SLC24A2: variants seen among roughly 807,000 people sequenced by gnomAD.
SLC24A2 encodes sodium/potassium/calcium exchanger 2.
A neutral mutation model predicts 62.0 loss-of-function variants in SLC24A2; 36 were observed. That is an observed-to-expected ratio of 0.58 (90% CI 0.44 to 0.77). The LOEUF (loss-of-function observed/expected upper bound fraction) is 0.77, where lower values mean the gene tolerates loss of function less well. SLC24A2 is among the 30% of genes least tolerant of loss of function. SLC24A2 has a pLI of 0.00. For synonymous variants in SLC24A2, 358 were observed against 294.0 expected (o/e 1.22, Z -2.23); for missense variants, 846 against 817.9 (o/e 1.03, Z -0.42).
intron 2 of SLC24A2, among the ~76,000 whole-genome samples, chr9:19,701,873 C>T (rs186949560): frequency 1.1e-3 from 161 of 152,272 alleles, no homozygotes; most frequent in African/African-American, 1.9e-3. Flanking sequence ...CTAATTTAAT[C>T]CCACTTTGGC....
At chr9:20,071,680 A>C in the SLC24A2 span, among the ~76,000 whole-genome samples, 1 of 152,212 alleles carries the variant, frequency 6.6e-6, no homozygotes, top group South Asian at 2.1e-4. Flanking sequence ...AGAGGGGAAA[A>C]CTGGGTGGTC....
At chr9:20,170,287 G>A in the SLC24A2 span, among the ~76,000 whole-genome samples, 2 of 151,986 alleles carry the variant, frequency 1.3e-5, no homozygotes, top group Non-Finnish European at 2.9e-5. Flanking sequence ...GGCAAAAGTT[G>A]TCTCAGCAAG....
At chr9:19,544,381 C>G (rs748512106) in intron 8 of SLC24A2, among the ~76,000 whole-genome samples, 3 of 151,638 alleles carry the variant, frequency 2.0e-5, no homozygotes, top group Non-Finnish European at 4.4e-5. Flanking sequence ...TGACGCTTAT[C>G]CAATTTGCCA....
At chr9:20,249,415 G>C in the SLC24A2 span, among the ~76,000 whole-genome samples, 539 of 152,232 alleles carry the variant, frequency 3.5e-3, 3 homozygotes, top group African/African-American at 0.012. Flanking sequence ...AAATGAGATA[G>C]TCCATCTGGG....
chr9:19,918,175 C>A, the SLC24A2 span, among the ~76,000 whole-genome samples: 2 of 140,366 alleles, frequency 1.4e-5, no homozygotes, highest in African/African-American at 2.7e-5. Flanking sequence ...TGTGTGTATA[C>A]ATACACATAT....
chr9:19,913,718 A>C, the SLC24A2 span, among the ~76,000 whole-genome samples: 3 of 152,056 alleles, frequency 2.0e-5, no homozygotes, highest in African/African-American at 7.2e-5. Context: ...TTATGCCAGG[A>C]ACTTTGCTAG....
At chr9:19,824,193 A>G in the SLC24A2 span, among the ~76,000 whole-genome samples, 4 of 152,344 alleles carry the variant, frequency 2.6e-5, no homozygotes, top group African/African-American at 9.6e-5. Context: ...TAAACTAAAG[A>G]GCTTCTGCAG....
the SLC24A2 span, among the ~76,000 whole-genome samples, chr9:19,871,740 G>C: frequency 6.6e-5 from 10 of 152,068 alleles, no homozygotes; most frequent in African/African-American, 2.2e-4. Context: ...ATCTATACTT[G>C]TGTTTTCATA....
At chr9:19,726,238 G>A (rs1326385777) in intron 2 of SLC24A2, among the ~76,000 whole-genome samples, 1 of 152,132 alleles carries the variant, frequency 6.6e-6, no homozygotes, top group Non-Finnish European at 1.5e-5. Context: ...TCTCTCAATA[G>A]GTAGTCTTCT....
At chr9:20,192,617 G>T in the SLC24A2 span, among the ~76,000 whole-genome samples, 3 of 152,126 alleles carry the variant, frequency 2.0e-5, no homozygotes, top group Non-Finnish European at 4.4e-5. Flanking sequence ...TAGTTCAACT[G>T]GGATTAAGAA....
the SLC24A2 span, among the ~76,000 whole-genome samples, chr9:19,843,384 T>G: frequency 6.6e-6 from 1 of 152,168 alleles, no homozygotes; most frequent in African/African-American, 2.4e-5. Flanking sequence ...TGGTGGCGCA[T>G]GCCTGTAACC....
At chr9:20,123,354 A>G in the SLC24A2 span, among the ~76,000 whole-genome samples, 3 of 152,218 alleles carry the variant, frequency 2.0e-5, no homozygotes, top group Non-Finnish European at 4.4e-5. Context: ...GGAGGGCATC[A>G]ACATTCAGAT....
the SLC24A2 span, among the ~76,000 whole-genome samples, chr9:19,794,699 C>T: frequency 6.2e-4 from 94 of 152,144 alleles, no homozygotes; most frequent in African/African-American, 2.1e-3. Context: ...CTATTCCTAC[C>T]GATGCCAGCA....
At chr9:19,789,610 C>T (rs912532371), upstream of SLC24A2, among the ~76,000 whole-genome samples, 31 of 152,186 alleles carry the variant, frequency 2.0e-4, no homozygotes, top group Admixed American at 1.3e-4. Flanking sequence ...TGACAGGCTT[C>T]GGCTTTTGGC....
At chr9:19,833,279 A>G in the SLC24A2 span, among the ~76,000 whole-genome samples, 1 of 152,162 alleles carries the variant, frequency 6.6e-6, no homozygotes, top group African/African-American at 2.4e-5. Context: ...AGGGTGAGGC[A>G]TTACCTCACA....
the SLC24A2 span, among the ~76,000 whole-genome samples, chr9:20,254,870 GA>G: frequency 6.6e-6 from 1 of 152,158 alleles, no homozygotes; most frequent in Non-Finnish European, 1.5e-5. Context: ...GAATGTGAAG[GA>G]GGAGCAAAGA....
intron 2 of SLC24A2, among the ~76,000 whole-genome samples, chr9:19,776,362 C>G (rs1044393987): frequency 6.6e-6 from 1 of 152,212 alleles, no homozygotes; most frequent in Non-Finnish European, 1.5e-5. Flanking sequence ...TCCCAATCCT[C>G]AGATTCCTGA....
the SLC24A2 span, among the ~76,000 whole-genome samples, chr9:20,169,961 C>T: frequency 9.9e-5 from 15 of 151,736 alleles, no homozygotes; most frequent in Admixed American, 6.6e-5. Flanking sequence ...GATAAATATT[C>T]AATGAAATAG....
the SLC24A2 span, among the ~76,000 whole-genome samples, chr9:20,064,703 GCTAC>G: frequency 1.3e-5 from 2 of 152,182 alleles, no homozygotes; most frequent in African/African-American, 4.8e-5. Flanking sequence ...TTAGATGGGG[GCTAC>G]CTTTCTTGGC....
Sources: gnomAD v4.1 joint callset for allele counts (sites outside exome capture counted in the v4.1 genomes callset) on GRCh38, gnomAD v4.1.1 for gene constraint, MANE v1.5 for transcripts, NCBI Gene and HGNC (gene_info 2026-07-23, HGNC 2026-07-21) for gene names.